Variants in DYRK1A observed in about 807,000 individuals in gnomAD.
DYRK1A encodes dual specificity tyrosine-phosphorylation-regulated kinase 1A.
DYRK1A carries 9 observed loss-of-function variants against 79.7 expected under a neutral mutation model. The observed-to-expected ratio is 0.11, with a 90% CI of 0.07 to 0.20. DYRK1A has a LOEUF of 0.20. DYRK1A is among the 10% of genes least tolerant of loss of function. DYRK1A has a pLI of 1.00. For synonymous variants in DYRK1A, 349 were observed against 329.7 expected, an observed-to-expected ratio of 1.06 and a Z score of -0.63; for missense variants, 622 against 956.0, an observed-to-expected ratio of 0.65 and a Z score of 4.61.
chr21:37,380,733 A>G (rs1041336171), intron 1 of DYRK1A, among the ~76,000 whole-genome samples: 1 of 152,114 alleles, frequency 6.6e-6, no homozygotes, highest in Non-Finnish European at 1.5e-5. Flanking sequence ...CCTAAAAAAA[A>G]AAAACCTACA....
At chr21:37,458,653 G>A (rs941096485) in intron 2 of DYRK1A, among the ~76,000 whole-genome samples, 2 of 152,092 alleles carry the variant, frequency 1.3e-5, no homozygotes, top group East Asian at 1.9e-4. Context: ...AAAAGGGGAC[G>A]CCTAAGTCCT....
At chr21:37,403,547 C>T (rs1012463329) in intron 1 of DYRK1A, among the ~76,000 whole-genome samples, 3 of 151,846 alleles carry the variant, frequency 2.0e-5, no homozygotes, top group Non-Finnish European at 2.9e-5. Context: ...TTCACTGCTA[C>T]CTCACACTGC....
In DYRK1A at chr21:37,404,360, G is replaced by C. The variant is rs570171830; in HGVS notation, c.-76-15939G>C. Among the ~76,000 whole-genome samples the C allele has an allele frequency of 2.2e-4, 34 of 152,296 alleles. 2 individuals are homozygous for C. The South Asian group carries it at 6.8e-3, about 31-fold the overall frequency. On this transcript the variant is annotated intron_variant, in intron 1 of 11. Transcript: ENST00000647188. The stretch of plus-strand genomic sequence containing the variant: ...TGTCTGTGGCTGGGTAGGGACCCCA[G>C]ATCCCCCAGACTTGCTCATTGTCTA...
chr21:37,392,337 G>A (rs2148388314), intron 1 of DYRK1A, among the ~76,000 whole-genome samples: 1 of 152,224 alleles, frequency 6.6e-6, no homozygotes, highest in Non-Finnish European at 1.5e-5. Flanking sequence ...TCCATCTTTT[G>A]TTCTCATTAG....
intron 11 of DYRK1A, 86 bp from the exon 12 acceptor site, chr21:37,511,825 A>G (rs2053756983): frequency 2.1e-6 from 3 of 1,428,210 alleles, no homozygotes; most frequent in African/African-American, 1.4e-5. Context: ...ATATGATGCT[A>G]GTTTGTTAGT....
At chr21:37,369,936 T>C (rs2049397528) in intron 1 of DYRK1A, among the ~76,000 whole-genome samples, 1 of 152,232 alleles carries the variant, frequency 6.6e-6, no homozygotes, top group Admixed American at 6.5e-5. Context: ...TTTAAGATAA[T>C]TTAAAACATT....
At chr21:37,378,830 G>A (rs890412497) in intron 1 of DYRK1A, among the ~76,000 whole-genome samples, 35 of 152,204 alleles carry the variant, frequency 2.3e-4, no homozygotes, top group African/African-American at 7.7e-4. Context: ...GGGTTGACAT[G>A]TGGAGAGCTA....
At chr21:37,390,123 A>G (rs1034880110) in intron 1 of DYRK1A, among the ~76,000 whole-genome samples, 1 of 150,798 alleles carries the variant, frequency 6.6e-6, no homozygotes, top group South Asian at 2.1e-4. Context: ...CCTCAAACCT[A>G]TTTTCTGTTG....
chr21:37,391,364 C>G (rs1471893834), intron 1 of DYRK1A, among the ~76,000 whole-genome samples: 2 of 152,204 alleles, frequency 1.3e-5, no homozygotes, highest in African/African-American at 4.8e-5. Flanking sequence ...GTCTCCTAAG[C>G]CTGCCACTAC....
At chr21:37,429,569 A>G (rs2050719653) in intron 2 of DYRK1A, among the ~76,000 whole-genome samples, 1 of 152,180 alleles carries the variant, frequency 6.6e-6, no homozygotes, top group Non-Finnish European at 1.5e-5. Context: ...TCTCGCGAGA[A>G]CGTACTCACC....
chr21:37,366,633 A>AG (rs982277117), upstream of DYRK1A, among the ~76,000 whole-genome samples: 3 of 151,086 alleles, frequency 2.0e-5, no homozygotes, highest in Non-Finnish European at 4.4e-5. Context: ...CTGGGGACAG[A>AG]GGGGGAGACG....
chr21:37,433,535 C>T (rs938365804), intron 2 of DYRK1A, among the ~76,000 whole-genome samples: 39 of 152,172 alleles, frequency 2.6e-4, no homozygotes, highest in African/African-American at 8.9e-4. Context: ...TCTCTCTTAC[C>T]TTTATCCTTC....
intron 1 of DYRK1A, among the ~76,000 whole-genome samples, chr21:37,411,429 A>G (rs886561407): frequency 1.3e-5 from 2 of 150,340 alleles, no homozygotes; most frequent in African/African-American, 4.9e-5. Context: ...TGAAAGGACA[A>G]ACCAAAACAA....
chr21:37,456,910 A>G (rs1244620791), intron 2 of DYRK1A, among the ~76,000 whole-genome samples: 5 of 152,168 alleles, frequency 3.3e-5, no homozygotes, highest in Non-Finnish European at 2.9e-5. Flanking sequence ...TGAAAAACTC[A>G]CAGATTCTGT....
chr21:37,419,053 A>G (rs1248344109), intron 1 of DYRK1A: 1 of 152,226 alleles, frequency 6.6e-6, no homozygotes, highest in Non-Finnish European at 1.5e-5. Context: ...TTTTGAGGCA[A>G]TAAGTATAGA....
Position 37,367,223 on chromosome 21 carries a change from C to G in DYRK1A, c.-482C>G, listed in dbSNP as rs1286549980. The G allele has an allele frequency of 6.6e-6, 1 of 151,986 alleles. No homozygotes were observed. The highest frequency in any genetic ancestry group is 2.4e-5 in the African/African-American group (1 of 41,410). The allele number at this position is 151,986 out of a possible 1,614,324, so 9.4% of individuals were successfully genotyped here. A position where few individuals can be genotyped will look rare whatever the true frequency, so the allele number is the denominator to read the frequency against. Reference sequence around the variant, plus strand: ...GGAGCCGCCGCCGCCGCCCGGGCCCCGGCGCTTCTCGCTGCGCAGGTTCGG... The same window carrying G: ...GGAGCCGCCGCCGCCGCCCGGGCCCGGGCGCTTCTCGCTGCGCAGGTTCGG... On this transcript the variant is annotated 5_prime_UTR_variant, in exon 1 of 12. Coordinates refer to ENST00000647188, the MANE Select transcript of DYRK1A (RefSeq NM_001347721.2).
At chr21:37,386,639 C>T (rs535224690) in intron 1 of DYRK1A, among the ~76,000 whole-genome samples, 11 of 152,312 alleles carry the variant, frequency 7.2e-5, no homozygotes, top group African/African-American at 2.4e-4. Flanking sequence ...TTGGATGCAG[C>T]TATTGAACCT....
At chr21:37,388,448 G>C (rs2049804915) in intron 1 of DYRK1A, among the ~76,000 whole-genome samples, 1 of 152,072 alleles carries the variant, frequency 6.6e-6, no homozygotes, top group Non-Finnish European at 1.5e-5. Context: ...ATTTTAATGT[G>C]TATCTGTAAA....
chr21:37,376,733 C>T (rs912947068), intron 1 of DYRK1A, among the ~76,000 whole-genome samples: 3 of 151,712 alleles, frequency 2.0e-5, no homozygotes, highest in Non-Finnish European at 4.4e-5. Context: ...TGTTAGGGCC[C>T]GTATTTGAGC....
Sources: gnomAD v4.1 joint callset for allele counts (sites outside exome capture counted in the v4.1 genomes callset) on GRCh38, gnomAD v4.1.1 for gene constraint, MANE v1.5 for transcripts, NCBI Gene and HGNC (gene_info 2026-07-23, HGNC 2026-07-21) for gene names.